The following RBM17 variants were observed in gnomAD, a reference collection of about 807,000 sequenced individuals.
The protein encoded by RBM17 is RNA binding motif protein 17.
Under a neutral mutation model 53.2 loss-of-function variants are expected in RBM17, and 7 were observed. The observed-to-expected ratio is 0.13, with a 90% confidence interval of 0.07 to 0.25. The LOEUF (loss-of-function observed/expected upper bound fraction) is 0.25. Among genes scored for constraint, RBM17 ranks in the 10% least tolerant of loss-of-function variants. The pLI, the probability that RBM17 is intolerant of heterozygous loss-of-function variation, is 1.00. For synonymous variants in RBM17, 167 were observed against 178.1 expected, an observed-to-expected ratio of 0.94 and a Z score of 0.50; for missense variants, 257 against 496.7, an observed-to-expected ratio of 0.52 and a Z score of 4.59.
chr10:6,091,376 C>T (rs1482188941), intron 1 of RBM17, among the ~76,000 whole-genome samples: 3 of 151,820 alleles, frequency 2.0e-5, no homozygotes, highest in Admixed American at 6.6e-5. Context: ...ATTCTTTAGG[C>T]TTCAAAGAGG....
At chr10:6,107,479 CTT>C (rs71390124) in intron 5 of RBM17, among the ~76,000 whole-genome samples, 7,177 of 56,500 alleles carry the variant, frequency 0.13, 362 homozygotes, top group East Asian at 0.26. Context: ...CACCCGGCCT[CTT>C]TTTTTTTTTT....
At chr10:6,108,937 A>G in intron 6 of RBM17, among the ~76,000 whole-genome samples, 195 bp downstream of exon 6, 1 of 152,190 alleles carries the variant, frequency 6.6e-6, no homozygotes, top group East Asian at 1.9e-4. Flanking sequence ...TTTCTACGCC[A>G]GGCTCTGAGG....
chr10:6,094,381 C>T (rs80047066), intron 1 of RBM17, among the ~76,000 whole-genome samples: 1,956 of 152,242 alleles, frequency 0.013, 99 homozygotes, highest in East Asian at 0.086. Flanking sequence ...TTGAGAAAAG[C>T]AAATATCTAG....
chr10:6,108,655 T>A (rs1431959995), intron 5 of RBM17, 31 bp from the exon 6 acceptor site: 6 of 1,593,138 alleles, frequency 3.8e-6, no homozygotes, highest in East Asian at 4.5e-5. Context: ...ATCGGAAACC[T>A]CCTTTAATGC....
In RBM17 at chr10:6,117,364, T is replaced by G. The variant is rs1840936698; in HGVS notation, c.*1808T>G. 6.6e-6 allele frequency: 1 copy of G among 152,142 alleles called. No homozygotes were observed. Among genetic ancestry groups the G allele is most frequent in the Non-Finnish European group, 1.5e-5 (1 of 68,038 alleles). 9.4% of individuals were successfully genotyped at this position (152,142 alleles called of 1,614,324 possible). On this transcript the variant is annotated 3_prime_UTR_variant, in exon 12 of 12. Transcript: ENST00000379888. ...TCCTGCAAGTTAGTACTTGAGAAAT[T>G]TGAAATTAATTTTCAATATTAACAT...
intron 1 of RBM17, among the ~76,000 whole-genome samples, chr10:6,095,020 C>T (rs1480772943): frequency 2.0e-5 from 3 of 152,120 alleles, no homozygotes; most frequent in African/African-American, 7.2e-5. Context: ...AGGGGATTCC[C>T]TCCAAGACTT....
At chr10:6,108,031 G>A (rs944226321) in intron 5 of RBM17, among the ~76,000 whole-genome samples, 1 of 152,112 alleles carries the variant, frequency 6.6e-6, no homozygotes, top group South Asian at 2.1e-4. Context: ...ATCTCTTTTG[G>A]TTTGTTTGTG....
chr10:6,114,122 A>C lies in RBM17; in HGVS notation c.1004A>C (p.Lys335Thr), dbSNP rs775801085. The C allele has an allele frequency of 6.2e-7, 1 of 1,611,086 alleles. No homozygotes were observed. Among genetic ancestry groups the C allele is most frequent in the Non-Finnish European group, 8.5e-7 (1 of 1,177,382 alleles). ...ETKEECEKYGKVGKCVIFEIP... is the reference protein window; with the variant it reads ...ETKEECEKYGTVGKCVIFEIP... ...AAGGAAGAATGTGAAAAATATGGCA[A>C]AGTTGGAAAATGTGTGATATTTGAA... is the stretch of plus-strand genomic sequence containing the variant. Residue 335 changes from lysine to threonine, a missense_variant, in exon 10 of 12, where the codon AAA becomes ACA. Physicochemically the swap from Lys to Thr is moderately conservative, Grantham distance 78 (BLOSUM62 -1). Coordinates refer to ENST00000379888, the MANE Select transcript of RBM17 (RefSeq NM_032905.5).
intron 2 of RBM17, among the ~76,000 whole-genome samples, chr10:6,099,297 A>G (rs1840634657): frequency 1.3e-5 from 2 of 151,870 alleles, no homozygotes; most frequent in Middle Eastern, 3.4e-3. Context: ...TTTTAAGGGA[A>G]GTGAAGATTG....
At chr10:6,108,802 G>A (rs2132951043) in intron 6 of RBM17, 60 bp downstream of exon 6, 3 of 1,369,030 alleles carry the variant, frequency 2.2e-6, no homozygotes, top group Non-Finnish European at 3.1e-6. Context: ...CAACCATGGG[G>A]GATCTCAGCT....
At chr10:6,094,195 G>A (rs924096916) in intron 1 of RBM17, among the ~76,000 whole-genome samples, 3 of 151,914 alleles carry the variant, frequency 2.0e-5, no homozygotes, top group East Asian at 1.9e-4. Flanking sequence ...AGCCAGGATG[G>A]TCTCGATCTC....
In RBM17 at chr10:6,110,006, G is replaced by A; in HGVS notation, c.583G>A (p.Glu195Lys). The change falls in exon 7 of 12, where the codon GAA (glutamate) becomes AAA (lysine). Residue 195 changes from glutamate (E) to lysine (K), a missense_variant. Transcript: ENST00000379888. ...AATAGTACCCCGAGATTTTCCTTAT[G>A]AAGAGGACTCAAGACCTCGATCACA... Reference protein sequence around the residue: ...DKELPRDFPYEEDSRPRSQSS... With the variant: ...DKELPRDFPYKEDSRPRSQSS... 1 of 1,609,572 alleles carries A rather than the reference G, an allele frequency of 6.2e-7. No homozygotes were observed. Among genetic ancestry groups the A allele is most frequent in the East Asian group, 2.2e-5 (1 of 44,730 alleles).
rs1378147970 is a variant in RBM17 at position 6,115,887 on chromosome 10, AAAAAAAAC to A, written c.*332_*339del. On this transcript the variant is annotated 3_prime_UTR_variant, in exon 12 of 12. Coordinates refer to ENST00000379888, the MANE Select transcript of RBM17 (RefSeq NM_032905.5). ...TTTCTTGCACTAAAAAAAAAAAAAA[AAAAAAAAC>A]TAGAAAGTTTTGGGACATGGGGTTA... 5.8e-3 allele frequency: 1,039 copies of A among 180,284 alleles called. 11 individuals are homozygous for A. The highest frequency in any genetic ancestry group is 0.021 in the African/African-American group (907 of 42,442). The allele number at this position is 180,284 out of a possible 1,614,324, so 11.2% of individuals were successfully genotyped here.
At chr10:6,095,782 C>T (rs188167579) in intron 1 of RBM17, among the ~76,000 whole-genome samples, 39 of 152,270 alleles carry the variant, frequency 2.6e-4, no homozygotes, top group African/African-American at 8.9e-4. Context: ...GTGTGCACTC[C>T]GTCCCCCACT....
chr10:6,109,850 T>C lies in RBM17; in HGVS notation c.563-136T>C. Reference sequence around the variant, plus strand: ...AAAAGTCGTATAAAGGCTGTAAAATTGATTTGGTGTTTTTCTCTCCTTGTG... The same window carrying C: ...AAAAGTCGTATAAAGGCTGTAAAATCGATTTGGTGTTTTTCTCTCCTTGTG... On this transcript the variant is annotated intron_variant, in intron 6 of 11. Coordinates refer to ENST00000379888, the MANE Select transcript of RBM17 (RefSeq NM_032905.5). The C allele has an allele frequency of 3.2e-6, 2 of 627,786 alleles. 1 individual carries two copies. The highest frequency in any genetic ancestry group is 5.1e-6 in the Non-Finnish European group (2 of 390,416). 38.9% of individuals were successfully genotyped at this position (627,786 alleles called of 1,614,324 possible).
intron 3 of RBM17, among the ~76,000 whole-genome samples, chr10:6,103,517 AAAT>A (rs1261130683): frequency 2.6e-5 from 4 of 152,172 alleles, no homozygotes; most frequent in Non-Finnish European, 5.9e-5. Flanking sequence ...TTTTCTCTCT[AAAT>A]AATAACTGAA....
In RBM17 at chr10:6,110,700, G is replaced by A. The variant is rs539936561; in HGVS notation, c.704+573G>A. On this transcript the variant is annotated intron_variant, in intron 7 of 11. Coordinates refer to ENST00000379888, the MANE Select transcript of RBM17 (RefSeq NM_032905.5). The stretch of plus-strand genomic sequence containing the variant: ...ATTCTGTGTTGTTGACTTTGATCCT[G>A]TGAGACGGCTGTCCCATGAAGCAGT... Among the ~76,000 whole-genome samples the A allele has an allele frequency of 5.9e-5, 9 of 152,360 alleles. No homozygotes were observed. In the East Asian group the frequency reaches 1.5e-3, roughly 26 times the overall value.
intron 3 of RBM17, among the ~76,000 whole-genome samples, chr10:6,103,465 G>A (rs1041863315): frequency 1.3e-5 from 2 of 152,138 alleles, no homozygotes; most frequent in African/African-American, 2.4e-5. Flanking sequence ...TCTTAGACAC[G>A]TTGTGATAAT....
At chr10:6,097,769 C>T (rs944444900) in intron 2 of RBM17, among the ~76,000 whole-genome samples, 30 of 152,236 alleles carry the variant, frequency 2.0e-4, no homozygotes, top group African/African-American at 7.2e-4. Context: ...TGAGTGAGAA[C>T]TTGTTTAAGG....
Sources: allele counts gnomAD v4.1 joint callset (sites outside exome capture counted in the v4.1 genomes callset), GRCh38; gene constraint gnomAD v4.1.1; transcripts MANE v1.5; gene names NCBI Gene and HGNC (gene_info 2026-07-23, HGNC 2026-07-21).